The following SPATA6 variants were observed in gnomAD, a reference collection of about 807,000 sequenced individuals.
SPATA6 encodes spermatogenesis-associated protein 6.
SPATA6 carries 56 observed loss-of-function variants against 65.3 expected under a neutral mutation model. That is an observed-to-expected ratio of 0.86 (90% CI 0.69 to 1.07). SPATA6 has a LOEUF of 1.07. Among genes scored for constraint, SPATA6 ranks in the 50% least tolerant of loss-of-function variants. SPATA6 has a pLI of 0.00. For missense variants in SPATA6, 590 were observed against 594.8 expected (o/e 0.99, Z 0.08); for synonymous variants, 199 against 213.2 (o/e 0.93, Z 0.58).
chr1:48,442,720 A>T (rs1439660751), intron 3 of SPATA6, among the ~76,000 whole-genome samples: 1 of 112,376 alleles, frequency 8.9e-6, no homozygotes, highest in Admixed American at 9.8e-5. Context: ...GAAGTAGTAA[A>T]AAAAAAAAAA....
At chr1:48,327,875 T>C (rs1372960481) in intron 11 of SPATA6, among the ~76,000 whole-genome samples, 1 of 152,214 alleles carries the variant, frequency 6.6e-6, no homozygotes, top group Non-Finnish European at 1.5e-5. Context: ...CAATGTTCAC[T>C]ATTTGGGTGA....
intron 9 of SPATA6, among the ~76,000 whole-genome samples, chr1:48,366,541 C>T (rs966403309): frequency 1.3e-5 from 2 of 152,054 alleles, no homozygotes; most frequent in Non-Finnish European, 1.5e-5. Flanking sequence ...TATGTGTCTA[C>T]GAATTTATCC....
At chr1:48,468,282 T>C (rs1657965440) in intron 1 of SPATA6, among the ~76,000 whole-genome samples, 1 of 152,192 alleles carries the variant, frequency 6.6e-6, no homozygotes, top group Admixed American at 6.5e-5. Flanking sequence ...AACTTCACAT[T>C]GGAGCCACAT....
chr1:48,377,606 G>A (rs1648066498), intron 9 of SPATA6, among the ~76,000 whole-genome samples: 1 of 152,112 alleles, frequency 6.6e-6, no homozygotes. Flanking sequence ...AAGTACATAT[G>A]AATGTTTGTG....
intron 11 of SPATA6, among the ~76,000 whole-genome samples, chr1:48,353,725 A>C (rs751359212): frequency 5.3e-5 from 8 of 152,016 alleles, no homozygotes; most frequent in Admixed American, 6.6e-5. Context: ...TGAGACTTGA[A>C]CCTTTCTTGA....
chr1:48,388,133 G>A (rs1423902174), intron 8 of SPATA6, among the ~76,000 whole-genome samples: 1 of 152,062 alleles, frequency 6.6e-6, no homozygotes, highest in Non-Finnish European at 1.5e-5. Flanking sequence ...CCAAAGACTA[G>A]ACTACCTAGT....
rs533047062 is a variant in SPATA6 at position 48,452,200 on chromosome 1, G to A, written c.190-600C>T. ...CTAGAAAAGTCCACAGAATAGAGTA[G>A]GTTCTGGAGAAAAAGAAGAAAAGAA... On this transcript the variant is annotated intron_variant, in intron 2 of 12. Coordinates refer to ENST00000371847, the MANE Select transcript of SPATA6 (RefSeq NM_019073.4). Among the ~76,000 whole-genome samples, 9 of 151,978 alleles carry A rather than the reference G, an allele frequency of 5.9e-5. No individual in the cohort carries two copies. The South Asian group carries it at 1.9e-3, about 32-fold the overall frequency.
At chr1:48,374,005 A>C (rs1490951625) in intron 9 of SPATA6, among the ~76,000 whole-genome samples, 3 of 152,200 alleles carry the variant, frequency 2.0e-5, no homozygotes, top group Non-Finnish European at 4.4e-5. Flanking sequence ...CATAATTTCC[A>C]TGCACAGTCT....
chr1:48,435,506 C>T (rs1420665193), intron 3 of SPATA6, among the ~76,000 whole-genome samples: 1 of 151,968 alleles, frequency 6.6e-6, no homozygotes, highest in East Asian at 1.9e-4. Flanking sequence ...ATGCACCAAT[C>T]AGCACTCTTG....
chr1:48,385,507 A>G (rs1475740971), intron 8 of SPATA6, among the ~76,000 whole-genome samples, 158 bp from the exon 9 acceptor site: 1 of 152,220 alleles, frequency 6.6e-6, no homozygotes, highest in Non-Finnish European at 1.5e-5. Context: ...ATAATCCATT[A>G]GTTAAAATTT....
chr1:48,469,470 ATT>A (rs1050846921), intron 1 of SPATA6, among the ~76,000 whole-genome samples: 5 of 22,406 alleles, frequency 2.2e-4, no homozygotes, highest in African/African-American at 3.2e-4. Flanking sequence ...ACAAATATCT[ATT>A]TATATATATA....
At chr1:48,446,626 A>C (rs1656075779) in intron 3 of SPATA6, among the ~76,000 whole-genome samples, 1 of 152,254 alleles carries the variant, frequency 6.6e-6, no homozygotes, top group South Asian at 2.1e-4. Context: ...ACAGGAAAGA[A>C]GATTGAATTT....
At chr1:48,432,453 A>T (rs1312470347) in intron 3 of SPATA6, among the ~76,000 whole-genome samples, 2 of 152,210 alleles carry the variant, frequency 1.3e-5, no homozygotes, top group Non-Finnish European at 2.9e-5. Context: ...AACCAAAAAA[A>T]AATTCAAAAA....
At chr1:48,293,111 C>T (rs1644779220), downstream of SPATA6, among the ~76,000 whole-genome samples, 2 of 152,192 alleles carry the variant, frequency 1.3e-5, no homozygotes, top group African/African-American at 4.8e-5. Context: ...ACACAATGCC[C>T]TCTGTCCTTC....
At chr1:48,288,712 T>C in the SPATA6 span, among the ~76,000 whole-genome samples, 11 of 152,182 alleles carry the variant, frequency 7.2e-5, 1 homozygote, top group Admixed American at 7.2e-4. Flanking sequence ...CGTGCCTGGC[T>C]CGGAGGGTCC....
chr1:48,460,947 G>C (rs1437282857), intron 1 of SPATA6, among the ~76,000 whole-genome samples: 3 of 151,402 alleles, frequency 2.0e-5, no homozygotes, highest in Admixed American at 6.6e-5. Context: ...AACCTGTTCT[G>C]GTTCAAGGGC....
intron 3 of SPATA6, among the ~76,000 whole-genome samples, chr1:48,439,334 C>T (rs930164375): frequency 4.6e-5 from 7 of 152,182 alleles, no homozygotes; most frequent in African/African-American, 1.7e-4. Flanking sequence ...TCTGCTGCTG[C>T]GATGCTGAGC....
chr1:48,302,816 C>T (rs139224387), intron 12 of SPATA6, among the ~76,000 whole-genome samples: 3 of 152,196 alleles, frequency 2.0e-5, no homozygotes, highest in African/African-American at 7.2e-5. Context: ...GCTATCTTCT[C>T]TCAGGATCTT....
intron 6 of SPATA6, among the ~76,000 whole-genome samples, chr1:48,400,428 C>T (rs1453012612): frequency 6.6e-6 from 1 of 151,772 alleles, no homozygotes; most frequent in African/African-American, 2.4e-5. Flanking sequence ...TAATCTCTGC[C>T]TTATAAAGGC....
Sources: allele counts gnomAD v4.1 joint callset (sites outside exome capture counted in the v4.1 genomes callset), GRCh38; gene constraint gnomAD v4.1.1; transcripts MANE v1.5; gene names NCBI Gene and HGNC (gene_info 2026-07-23, HGNC 2026-07-21).